The following PPP2R3A variants were observed in gnomAD, a reference collection of about 807,000 sequenced individuals.
PPP2R3A encodes the protein serine/threonine-protein phosphatase 2A regulatory subunit B'' subunit alpha.
PPP2R3A carries 80 observed loss-of-function variants against 106.9 expected under a neutral mutation model. That is an observed-to-expected ratio of 0.75 (90% CI 0.62 to 0.90). PPP2R3A has a LOEUF of 0.90. PPP2R3A is among the 40% of genes least tolerant of loss of function. The pLI is 0.00. For synonymous variants in PPP2R3A, 483 were observed against 468.3 expected (o/e 1.03, Z -0.41); for missense variants, 1,386 against 1,350.4 (o/e 1.03, Z -0.41).
At chr3:136,065,694 A>G (rs1176326814) in intron 5 of PPP2R3A, among the ~76,000 whole-genome samples, 3 of 152,190 alleles carry the variant, frequency 2.0e-5, no homozygotes, top group Non-Finnish European at 1.5e-5. Context: ...ATAAGAAATA[A>G]CAAGGAGGAT....
chr3:136,132,151 C>CTT (rs745414567), intron 13 of PPP2R3A, among the ~76,000 whole-genome samples: 43 of 151,744 alleles, frequency 2.8e-4, no homozygotes, highest in Non-Finnish European at 7.4e-5. Context: ...TACCCTAGAA[C>CTT]TTTAAGTATA....
At position 136,001,249 on chromosome 3, in the gene PPP2R3A, A is replaced by T. The variant is rs140470668; in HGVS notation, c.-250A>T. 3.5e-5 allele frequency: 17 copies of T among 481,876 alleles called. No homozygotes were observed. Among genetic ancestry groups the T allele is most frequent in the African/African-American group, 3.0e-4 (15 of 50,844 alleles). The allele number at this position is 481,876 out of a possible 1,614,324, so 29.9% of individuals were successfully genotyped here. The stretch of plus-strand genomic sequence containing the variant: ...AATAATTCTGCAGTATCATAATATT[A>T]CTAAATAAAATTAAAAAGCACAATT... On this transcript the variant is annotated 5_prime_UTR_variant, in exon 2 of 14. Coordinates refer to ENST00000264977, the MANE Select transcript of PPP2R3A (RefSeq NM_002718.5).
chr3:136,141,834 TAGGG>T (rs1194459100), intron 13 of PPP2R3A, among the ~76,000 whole-genome samples: 1 of 151,972 alleles, frequency 6.6e-6, no homozygotes, highest in East Asian at 1.9e-4. Flanking sequence ...CCAGTGGTGG[TAGGG>T]AGGAAGAGGC....
At chr3:136,133,514 G>A (rs1243627585) in intron 13 of PPP2R3A, among the ~76,000 whole-genome samples, 1 of 152,008 alleles carries the variant, frequency 6.6e-6, no homozygotes, top group Non-Finnish European at 1.5e-5. Flanking sequence ...TCATACATTG[G>A]GCTGGTAAGG....
chr3:136,067,493 G>C (rs985552987), intron 5 of PPP2R3A, among the ~76,000 whole-genome samples: 3 of 152,180 alleles, frequency 2.0e-5, no homozygotes, highest in African/African-American at 7.2e-5. Flanking sequence ...GAGTTAAGTG[G>C]ACTCCTTGAG....
intron 10 of PPP2R3A, among the ~76,000 whole-genome samples, chr3:136,094,921 C>T (rs1937181954): frequency 6.6e-6 from 1 of 152,208 alleles, no homozygotes; most frequent in African/African-American, 2.4e-5. Context: ...AAACTACAGA[C>T]TGACATCCCT....
At chr3:136,087,252 T>TCTCTCTCTCTCC (rs1576492900) in intron 8 of PPP2R3A, among the ~76,000 whole-genome samples, 2 of 107,952 alleles carry the variant, frequency 1.9e-5, no homozygotes, top group South Asian at 3.0e-4. Context: ...CGTGTCTCTC[T>TCTCTCTCTCTCC]CTCTCTCTCT....
intron 10 of PPP2R3A, 119 bp from the exon 11 acceptor site, chr3:136,101,888 C>T: frequency 1.8e-6 from 2 of 1,088,340 alleles, no homozygotes; most frequent in Non-Finnish European, 1.3e-6. Flanking sequence ...CTTTGTAAAA[C>T]TATATCTAAG....
rs1403230408 is a variant in PPP2R3A, at chr3:136,120,763, A to G, written c.3329+14441A>G. Among the ~76,000 whole-genome samples the G allele has an allele frequency of 1.6e-4, 25 of 152,296 alleles. 1 individual carries two copies. The East Asian group carries it at 2.1e-3, about 13-fold the overall frequency. On this transcript the variant is annotated intron_variant, in intron 13 of 13. Coordinates refer to ENST00000264977, the MANE Select transcript of PPP2R3A (RefSeq NM_002718.5). Reference sequence around the variant, plus strand: ...AAAACAGCCCCATTAAAAAATGCCCATAGGACATGAACAGACACTTCTCAA... The same window carrying G: ...AAAACAGCCCCATTAAAAAATGCCCGTAGGACATGAACAGACACTTCTCAA...
intron 5 of PPP2R3A, among the ~76,000 whole-genome samples, chr3:136,059,129 T>A (rs1410406524): frequency 6.6e-6 from 1 of 151,542 alleles, no homozygotes; most frequent in Non-Finnish European, 1.5e-5. Context: ...GGGCAAAAAT[T>A]GACAAATGGG....
intron 6 of PPP2R3A, among the ~76,000 whole-genome samples, chr3:136,074,945 T>C (rs1936549773): frequency 6.6e-6 from 1 of 152,238 alleles, no homozygotes; most frequent in South Asian, 2.1e-4. Flanking sequence ...CTGAGCCATG[T>C]TAACCAAAGA....
intron 5 of PPP2R3A, among the ~76,000 whole-genome samples, chr3:136,061,717 G>A (rs547680434): frequency 4.6e-5 from 7 of 152,068 alleles, no homozygotes; most frequent in African/African-American, 9.6e-5. Flanking sequence ...TCAGGAGATC[G>A]AGACCATCCT....
At position 136,102,121 on chromosome 3, in the gene PPP2R3A, G is replaced by A. The variant is rs1344549785; in HGVS notation, c.3042G>A (p.Glu1014=). The change falls in exon 11 of 14, where the codon GAG becomes GAA. Residue 1014 remains glutamate (E), a synonymous_variant. Coordinates refer to ENST00000264977, the MANE Select transcript of PPP2R3A (RefSeq NM_002718.5). ...QCERMEAMGI[E]PLPFHDLLCQ... ...AACGGATGGAAGCCATGGGAATTGA[G>A]CCCTTGCCATTCCATGATTTACTGT... 1.2e-6 allele frequency: 2 copies of A among 1,613,786 alleles called. No individual in the cohort carries two copies. The highest frequency in any genetic ancestry group is 2.7e-5 in the African/African-American group (2 of 74,920).
At chr3:136,075,231 G>A (rs1936556849) in intron 6 of PPP2R3A, among the ~76,000 whole-genome samples, 1 of 152,028 alleles carries the variant, frequency 6.6e-6, no homozygotes, top group Admixed American at 6.5e-5. Flanking sequence ...AAGATCCCTT[G>A]GTGAAAAATG....
chr3:136,036,928 T>C (rs1042544742), intron 3 of PPP2R3A, among the ~76,000 whole-genome samples: 4 of 152,262 alleles, frequency 2.6e-5, no homozygotes. Context: ...GCAAGTCTTT[T>C]CTGGTACCAG....
At position 136,085,947 on chromosome 3, in the gene PPP2R3A, A is replaced by T. The variant is rs543309710; in HGVS notation, c.2789-1936A>T. 1.4e-3 allele frequency among the ~76,000 whole-genome samples: 215 copies of T among 151,830 alleles called. 2 individuals are homozygous for T. The highest frequency in any genetic ancestry group is 4.8e-3 in the African/African-American group (198 of 41,428). On this transcript the variant is annotated intron_variant, in intron 8 of 13. Coordinates refer to ENST00000264977, the MANE Select transcript of PPP2R3A (RefSeq NM_002718.5). ...ACAAAAAATACAAAAATTAAAAATT[A>T]AAAAATGTCTTTCAAATGACAAAAA...
intron 13 of PPP2R3A, among the ~76,000 whole-genome samples, chr3:136,123,449 G>C (rs1478476025): frequency 6.6e-6 from 1 of 152,002 alleles, no homozygotes; most frequent in Non-Finnish European, 1.5e-5. Context: ...AGTAATGGAA[G>C]AAATGTATAA....
At chr3:135,973,367 T>C (rs1937298518) in intron 1 of PPP2R3A, among the ~76,000 whole-genome samples, 1 of 152,178 alleles carries the variant, frequency 6.6e-6, no homozygotes, top group Non-Finnish European at 1.5e-5. Context: ...GAGCTTTCAT[T>C]TGGTCAAGGC....
chr3:136,011,716 A>G (rs1274299288), intron 2 of PPP2R3A, among the ~76,000 whole-genome samples: 1 of 152,182 alleles, frequency 6.6e-6, no homozygotes, highest in Non-Finnish European at 1.5e-5. Context: ...TGAATCAGTC[A>G]TCTCCCTTGA....
Sources: gnomAD v4.1 joint callset for allele counts (sites outside exome capture counted in the v4.1 genomes callset) on GRCh38, gnomAD v4.1.1 for gene constraint, MANE v1.5 for transcripts, NCBI Gene and HGNC (gene_info 2026-07-23, HGNC 2026-07-21) for gene names.